The following HSD11B1L variants were observed in gnomAD, a reference collection of about 807,000 sequenced individuals.
HSD11B1L encodes hydroxysteroid 11-beta-dehydrogenase 1-like protein.
Under a neutral mutation model 27.0 loss-of-function variants are expected in HSD11B1L, and 22 were observed. The ratio of observed to expected loss-of-function variants is 0.81; its 90% CI spans 0.58 to 1.16. The LOEUF is 1.16. Among genes scored for constraint, HSD11B1L ranks in the 50% most tolerant of loss-of-function variants. The pLI, the probability that HSD11B1L is intolerant of heterozygous loss-of-function variation, is 0.00. For synonymous variants in HSD11B1L, 187 were observed against 189.2 expected, an observed-to-expected ratio of 0.99 and a Z score of 0.09; for missense variants, 372 against 401.8, an observed-to-expected ratio of 0.93 and a Z score of 0.63.
intron 1 of HSD11B1L, among the ~76,000 whole-genome samples, chr19:5,683,140 C>T (rs1199241452): frequency 1.3e-5 from 2 of 149,346 alleles, no homozygotes; most frequent in African/African-American, 2.5e-5. Context: ...CCGCCCACCT[C>T]GGCCTCCCAA....
In HSD11B1L at chr19:5,687,170, C is replaced by G. The variant is rs2054719203; in HGVS notation, c.409-112C>G. On this transcript the variant is annotated intron_variant, in intron 5 of 7. Coordinates refer to ENST00000339423, the MANE Select transcript of HSD11B1L (RefSeq NM_198706.3). This position sits in a 1 kb window ranked among gnomAD's most constrained non-coding sequence, Gnocchi z 6.6. ...TTGACCCCGCCCTCGGACCCGCCTTCCGGGTTTCTGGCCCCGTCTCTGACC... is the reference window on the plus strand; with the variant it reads ...TTGACCCCGCCCTCGGACCCGCCTTGCGGGTTTCTGGCCCCGTCTCTGACC... 1 of 1,291,046 alleles carries G rather than the reference C, an allele frequency of 7.7e-7. No homozygotes were observed. Among genetic ancestry groups the G allele is most frequent in the South Asian group, 1.3e-5 (1 of 75,212 alleles). 80.0% of individuals were successfully genotyped at this position (1,291,046 alleles called of 1,614,324 possible).
intron 1 of HSD11B1L, among the ~76,000 whole-genome samples, chr19:5,682,908 C>G (rs74688114): frequency 4.6e-5 from 7 of 150,582 alleles, no homozygotes; most frequent in Non-Finnish European, 7.4e-5. Flanking sequence ...ATCTCCACCC[C>G]GCTGGGTTCA....
Position 5,688,008 on chromosome 19 carries a change from C to A in HSD11B1L, c.*63C>A. The stretch of plus-strand genomic sequence containing the variant: ...TTCCTCCCTCCAACTGTCCCTGGAG[C>A]CAGAACACTCACAGAGACACCCCTG... On this transcript the variant is annotated 3_prime_UTR_variant, in exon 8 of 8. Coordinates refer to ENST00000339423, the MANE Select transcript of HSD11B1L (RefSeq NM_198706.3). The A allele has an allele frequency of 1.3e-6, 2 of 1,551,548 alleles. No individual in the cohort carries two copies. Among genetic ancestry groups the A allele is most frequent in the South Asian group, 1.2e-5 (1 of 84,110 alleles).
rs2054694316 is a variant in HSD11B1L at position 5,686,463 on chromosome 19, C to T, written c.252C>T (p.Ile84=). ...RKLGAPKVFY[I]AADMASPEAP... ...TGGGCGCCCCCAAGGTCTTCTACAT[C>T]GCGGCGGACATGGCCTCCCCTGAGG... Residue 84 remains isoleucine, a synonymous_variant, in exon 4 of 8, where the codon ATC becomes ATT. Transcript: ENST00000339423. The T allele has an allele frequency of 1.3e-6, 2 of 1,588,384 alleles. No individual in the cohort carries two copies. The highest frequency in any genetic ancestry group is 8.6e-7 in the Non-Finnish European group (1 of 1,169,320).
Position 5,687,762 on chromosome 19 carries a change from G to T in HSD11B1L, c.678G>T (p.Thr226=), listed in dbSNP as rs750820052. The T allele has an allele frequency of 1.3e-6, 2 of 1,481,824 alleles. No individual in the cohort carries two copies. The highest frequency in any genetic ancestry group is 2.9e-5 in the African/African-American group (2 of 69,862). The allele number at this position is 1,481,824 out of a possible 1,614,324, so 91.8% of individuals were successfully genotyped here. The change falls in exon 8 of 8, where the codon ACG becomes ACT. Residue 226 remains threonine (T), a synonymous_variant. Coordinates refer to ENST00000339423, the MANE Select transcript of HSD11B1L (RefSeq NM_198706.3). The surrounding 1 kb of genome is among the most constrained non-coding windows in gnomAD (Gnocchi z 6.6). ...ASAAEAVRGV[T]RVKAAPGPKA... ...GCCCTCCTGTCCCCAGGGGAGTCAC[G>T]AGGGTCAAGGCGGCCCCGGGGCCCA...
Position 5,686,502 on chromosome 19 carries a change from G to A in HSD11B1L, c.291G>A (p.Val97=). The A allele has an allele frequency of 1.3e-6, 2 of 1,583,400 alleles. No homozygotes were observed. The highest frequency in any genetic ancestry group is 1.7e-6 in the Non-Finnish European group (2 of 1,166,360). ...DMASPEAPES[V]VQFALDKLGG... Reference sequence around the variant, plus strand: ...CCTCCCCTGAGGCGCCCGAGAGCGTGGTGCAGTTTGCGCTGGACAAGCTGG... The same window carrying A: ...CCTCCCCTGAGGCGCCCGAGAGCGTAGTGCAGTTTGCGCTGGACAAGCTGG... The change falls in exon 4 of 8, where the codon GTG becomes GTA. Residue 97 remains valine (V), a synonymous_variant. Coordinates refer to ENST00000339423, the MANE Select transcript of HSD11B1L (RefSeq NM_198706.3).
chr19:5,684,861 G>A lies in HSD11B1L; in HGVS notation c.29G>A (p.Gly10Glu), dbSNP rs1405797839. Residue 10 changes from glycine to glutamate, a missense_variant, in exon 2 of 8, where the codon GGG (glycine) becomes GAG (glutamate). Coordinates refer to ENST00000339423, the MANE Select transcript of HSD11B1L (RefSeq NM_198706.3). MKVLLLTGL[G>E]ALFFAYYWDD... Reference sequence around the variant, plus strand: ...AAGGTGCTTCTCCTCACAGGGCTGGGGGCCCTGTTCTTCGCCTATTATTGG... The same window carrying A: ...AAGGTGCTTCTCCTCACAGGGCTGGAGGCCCTGTTCTTCGCCTATTATTGG... 1.9e-6 allele frequency: 3 copies of A among 1,613,858 alleles called. No homozygotes were observed. Among genetic ancestry groups the A allele is most frequent in the Non-Finnish European group, 2.5e-6 (3 of 1,179,994 alleles).
chr19:5,686,390 C>G, intron 3 of HSD11B1L, 26 bp from the exon 4 acceptor site: 1 of 1,485,914 alleles, frequency 6.7e-7, no homozygotes, highest in Non-Finnish European at 9.1e-7. Context: ...GAGGAGAGGC[C>G]CACGGGCAGC....
intron 1 of HSD11B1L, chr19:5,684,337 G>A (rs2054631442): frequency 3.0e-6 from 1 of 332,784 alleles, no homozygotes; most frequent in Non-Finnish European, 5.5e-6. Context: ...CTTTTGCACT[G>A]AGACTTGAAA....
In HSD11B1L at chr19:5,687,553, C is replaced by G; in HGVS notation, c.553C>G (p.Leu185Val). ...STPYSAAKFA[L>V]DGFFGSLRRE... ...TCCCTACTCGGCGGCCAAGTTTGCG[C>G]TGGACGGCTTCTTCGGCTCCCTGCG... Residue 185 changes from leucine to valine, a missense_variant, in exon 7 of 8, where the codon CTG becomes GTG. By Grantham distance (32) the Leu-to-Val change is conservative. Transcript: ENST00000339423. This position sits in a 1 kb window ranked among gnomAD's most constrained non-coding sequence, Gnocchi z 6.6. 6.2e-7 allele frequency: 1 copy of G among 1,600,006 alleles called. No individual in the cohort carries two copies. Among genetic ancestry groups the G allele is most frequent in the Non-Finnish European group, 8.5e-7 (1 of 1,179,520 alleles).
chr19:5,681,664 GTCCA>G lies in HSD11B1L; in HGVS notation c.-15+419_-15+422del, dbSNP rs749666565. Among the ~76,000 whole-genome samples, 363 of 147,854 alleles carry G rather than the reference GTCCA, an allele frequency of 2.5e-3. 2 individuals carry two copies. The highest frequency in any genetic ancestry group is 3.5e-3 in the Middle Eastern group (1 of 288). On this transcript the variant is annotated intron_variant, in intron 1 of 7. Coordinates refer to ENST00000339423, the MANE Select transcript of HSD11B1L (RefSeq NM_198706.3). ...CATCCATCCATCCATGCATCCGTCC[GTCCA>G]TCCATCCATCCATCCATCCATCCAT...
chr19:5,687,217 G>A lies in HSD11B1L; in HGVS notation c.409-65G>A. On this transcript the variant is annotated intron_variant, in intron 5 of 7. Transcript: ENST00000339423. This position sits in a 1 kb window ranked among gnomAD's most constrained non-coding sequence, Gnocchi z 6.6. ...GACCCGGCCCTGGCCCCGCCCTCTG[G>A]GTTTCTGGCCCCGCCCTGCCCCTGG... 1.9e-6 allele frequency: 3 copies of A among 1,545,902 alleles called. No individual in the cohort carries two copies. Among genetic ancestry groups the A allele is most frequent in the Middle Eastern group, 2.1e-4 (1 of 4,660 alleles).
intron 1 of HSD11B1L, among the ~76,000 whole-genome samples, chr19:5,683,837 T>G (rs1386943511): frequency 6.6e-6 from 1 of 151,866 alleles, no homozygotes; most frequent in Non-Finnish European, 1.5e-5. Context: ...CAGGCTGCAG[T>G]GAGCTATGGT....
intron 4 of HSD11B1L, 151 bp from the exon 5 acceptor site, chr19:5,686,748 TA>T: frequency 1.4e-6 from 1 of 722,220 alleles, no homozygotes; most frequent in Non-Finnish European, 2.3e-6. Context: ...ATCCAGGGTG[TA>T]AGGCCAAGGC....
rs2054651081 is a variant in HSD11B1L at position 5,684,982 on chromosome 19, T to TGGCC, written c.74-6_74-3dup. On this transcript the variant is annotated splice_region_variant and splice_polypyrimidine_tract_variant and intron_variant, in intron 2 of 7. Coordinates refer to ENST00000339423, the MANE Select transcript of HSD11B1L (RefSeq NM_198706.3). Reference sequence around the variant, plus strand: ...CCGCCCAGAGTGACCACCCCGGCTATGGCCAGCCAGCCTCCAGGGAGCGCG... The same window carrying TGGCC: ...CCGCCCAGAGTGACCACCCCGGCTATGGCCGGCCAGCCAGCCTCCAGGGAGCGCG... 1.9e-6 allele frequency: 3 copies of TGGCC among 1,610,144 alleles called. No homozygotes were observed. Among genetic ancestry groups the TGGCC allele is most frequent in the Non-Finnish European group, 2.5e-6 (3 of 1,178,430 alleles).
chr19:5,683,355 G>A (rs1265505479), intron 1 of HSD11B1L, among the ~76,000 whole-genome samples: 1 of 152,072 alleles, frequency 6.6e-6, no homozygotes, highest in Non-Finnish European at 1.5e-5. Context: ...CCAGCCCCAT[G>A]TGTCAAATGC....
chr19:5,683,131 C>T lies in HSD11B1L; in HGVS notation c.-14-1688C>T, dbSNP rs375345569. On this transcript the variant is annotated intron_variant, in intron 1 of 7. Transcript: ENST00000339423. ...CTCGAACTCCCAGCCTCAAGTGATC[C>T]GCCCACCTCGGCCTCCCAAAATGCT... 4.0e-5 allele frequency among the ~76,000 whole-genome samples: 6 copies of T among 150,842 alleles called. No homozygotes were observed. The East Asian group carries it at 5.9e-4, about 15-fold the overall frequency.
chr19:5,684,937 C>T (rs759277710), intron 2 of HSD11B1L, 32 bp downstream of exon 2: 60 of 1,612,588 alleles, frequency 3.7e-5, no homozygotes, highest in African/African-American at 8.0e-5. Flanking sequence ...AGGGAGAAAC[C>T]GGGCCAGCTG....
At chr19:5,683,620 G>A (rs533707515) in intron 1 of HSD11B1L, among the ~76,000 whole-genome samples, 5 of 152,292 alleles carry the variant, frequency 3.3e-5, no homozygotes, top group South Asian at 4.1e-4. Flanking sequence ...GGCTGGGCAC[G>A]GTGGTTCACA....
Sources: gnomAD v4.1 joint callset for allele counts (sites outside exome capture counted in the v4.1 genomes callset) on GRCh38, gnomAD v4.1.1 for gene constraint, Gnocchi (gnomAD v3.1) non-coding constraint, MANE v1.5 for transcripts, NCBI Gene and HGNC (gene_info 2026-07-23, HGNC 2026-07-21) for gene names.